Variants in CELF3 observed in about 807,000 individuals in gnomAD.
CELF3 encodes the protein CUGBP Elav-like family member 3.
A neutral mutation model predicts 59.6 loss-of-function variants in CELF3; 26 were observed. The observed-to-expected ratio is 0.44, with a 90% CI of 0.32 to 0.61. The LOEUF (loss-of-function observed/expected upper bound fraction) is 0.61. Ranked by LOEUF, CELF3 falls within the 20% of genes least tolerant of loss-of-function variation. CELF3 has a pLI of 0.06. For synonymous variants in CELF3, 245 were observed against 250.7 expected, an observed-to-expected ratio of 0.98 and a Z score of 0.22; for missense variants, 387 against 627.2, an observed-to-expected ratio of 0.62 and a Z score of 4.09.
In CELF3 at chr1:151,703,293, AG is replaced by A. The variant is rs898518120; in HGVS notation, c.*165del. The A allele has an allele frequency of 6.6e-6, 3 of 453,602 alleles. No individual in the cohort carries two copies. The highest frequency in any genetic ancestry group is 4.0e-5 in the African/African-American group (2 of 49,480). 28.1% of individuals were successfully genotyped at this position (453,602 alleles called of 1,614,324 possible). A position where few individuals can be genotyped will look rare whatever the true frequency, so the allele number is the denominator to read the frequency against. On this transcript the variant is annotated 3_prime_UTR_variant, in exon 13 of 13. Transcript: ENST00000290583. ...CATAGCCATGGCCCTTCAGAGAGGC[AG>A]GGGGGTGGGAGGGGCCGGTGTCTTG... is the stretch of plus-strand genomic sequence containing the variant.
rs776918644 is a variant in CELF3 at position 151,705,199 on chromosome 1, AG to A, written c.1271-32del. ...GTGAGAGGGGCATAAGGCCCGGCCC[AG>A]CCCCACCTCGCTCTTCCGTGCTTAG... On this transcript the variant is annotated intron_variant, in intron 11 of 12. Transcript: ENST00000290583. The surrounding 1 kb of genome is among the most constrained non-coding windows in gnomAD (Gnocchi z 5.1). 201 of 1,597,108 alleles carry A rather than the reference AG, an allele frequency of 1.3e-4. 4 individuals carry two copies. The South Asian group carries it at 2.1e-3, about 17-fold the overall frequency.
At position 151,705,886 on chromosome 1, in the gene CELF3, G is replaced by T; in HGVS notation, c.1206C>A (p.Pro402=). ...TDSEILQMFV[P]FGHVISAKVF... is the part of the protein sequence containing the mutation. ...CTTTGGCTGAGATGACGTGGCCAAAGGGGACAAACATCTGGAGGATCTCTG... is the reference window on the plus strand; with the variant it reads ...CTTTGGCTGAGATGACGTGGCCAAATGGGACAAACATCTGGAGGATCTCTG... Residue 402 remains proline (P), a synonymous_variant, in exon 11 of 13, where the codon CCC becomes CCA. Coordinates refer to ENST00000290583, the MANE Select transcript of CELF3 (RefSeq NM_007185.7). The surrounding 1 kb of genome is among the most constrained non-coding windows in gnomAD (Gnocchi z 5.1). The T allele has an allele frequency of 6.2e-7, 1 of 1,614,178 alleles. No individual in the cohort carries two copies. The highest frequency in any genetic ancestry group is 8.5e-7 in the Non-Finnish European group (1 of 1,179,992).
rs1158141639 is a variant in CELF3 at position 151,700,787 on chromosome 1, T to C, written c.*2672A>G. ...AAAGTACTAAAAACTCTTGAGGTTTTCTGTCTATGTGACTAGAAAATAGAA... is the reference window on the plus strand; with the variant it reads ...AAAGTACTAAAAACTCTTGAGGTTTCCTGTCTATGTGACTAGAAAATAGAA... On this transcript the variant is annotated 3_prime_UTR_variant, in exon 13 of 13. Coordinates refer to ENST00000290583, the MANE Select transcript of CELF3 (RefSeq NM_007185.7). Among the ~76,000 whole-genome samples the C allele has an allele frequency of 6.6e-6, 1 of 152,254 alleles. No individual in the cohort carries two copies. Among genetic ancestry groups the C allele is most frequent in the African/African-American group, 2.4e-5 (1 of 41,464 alleles).
intron 2 of CELF3, chr1:151,714,320 G>C (rs1275822838): frequency 1.7e-6 from 1 of 602,116 alleles, no homozygotes; most frequent in East Asian, 2.8e-5. Flanking sequence ...CCTCCCTCTA[G>C]TGTTGCCCCA....
chr1:151,714,176 G>A (rs1485729102), intron 2 of CELF3, among the ~76,000 whole-genome samples: 3 of 151,946 alleles, frequency 2.0e-5, no homozygotes, highest in East Asian at 3.9e-4. Context: ...CTGTTCTCTG[G>A]GCACTCCTCC....
chr1:151,707,148 G>T lies in CELF3; in HGVS notation c.919C>A (p.Pro307Thr). ...GTGGGCAGGCAGAGAGTCCCACCTG[G>T]GTAGGGGTGAACCCCGTTGGGATAC... Reference protein sequence around the residue: ...ALYPNGVHPYPAQSPAAPVDP... With the variant: ...ALYPNGVHPYTAQSPAAPVDP... The change falls in exon 8 of 13, where the codon CCA (proline) becomes ACA (threonine). Residue 307 changes from proline (P) to threonine (T), a missense_variant. Pro to Thr is a conservative substitution (Grantham distance 38). Around this residue, in one of 3 missense-constraint regions of CELF3, gnomAD observed 131 missense variants for 153.7 expected, o/e 0.85. Coordinates refer to ENST00000290583, the MANE Select transcript of CELF3 (RefSeq NM_007185.7). 1 of 1,499,880 alleles carries T rather than the reference G, an allele frequency of 6.7e-7. No individual in the cohort carries two copies. Among genetic ancestry groups the T allele is most frequent in the South Asian group, 1.4e-5 (1 of 73,438 alleles). 92.9% of individuals were successfully genotyped at this position (1,499,880 alleles called of 1,614,324 possible).
In CELF3 at chr1:151,709,606, A is replaced by G; in HGVS notation, c.277+137T>C. 5 of 1,017,780 alleles carry G rather than the reference A, an allele frequency of 4.9e-6. No homozygotes were observed. In the South Asian group the frequency reaches 5.3e-5, roughly 11 times the overall value. 63.0% of individuals were successfully genotyped at this position (1,017,780 alleles called of 1,614,324 possible). ...GATCTCACCCGCTCTGGCCACACTGACTCCTATCTCACCGCAGCTGGGAAC... is the reference window on the plus strand; with the variant it reads ...GATCTCACCCGCTCTGGCCACACTGGCTCCTATCTCACCGCAGCTGGGAAC... On this transcript the variant is annotated intron_variant, in intron 3 of 12. Coordinates refer to ENST00000290583, the MANE Select transcript of CELF3 (RefSeq NM_007185.7). The surrounding 1 kb of genome is among the most constrained non-coding windows in gnomAD (Gnocchi z 4.9).
At chr1:151,713,020 A>G (rs557611986) in intron 2 of CELF3, among the ~76,000 whole-genome samples, 3 of 152,262 alleles carry the variant, frequency 2.0e-5, no homozygotes, top group African/African-American at 7.2e-5. Flanking sequence ...AGGGTCACAG[A>G]CATCTGCTCC....
chr1:151,704,203 C>T (rs1300919545), intron 12 of CELF3, among the ~76,000 whole-genome samples: 1 of 151,878 alleles, frequency 6.6e-6, no homozygotes, highest in Admixed American at 6.6e-5. Flanking sequence ...TGGGGGGGCC[C>T]CCAGGGTTGG....
At chr1:151,707,738 G>A in intron 6 of CELF3, 54 bp downstream of exon 6, 1 of 1,604,040 alleles carries the variant, frequency 6.2e-7, no homozygotes, top group Non-Finnish European at 8.5e-7. Flanking sequence ...GGGAGGGTGG[G>A]GGCAAGATAC....
intron 7 of CELF3, 101 bp from the exon 8 acceptor site, chr1:151,707,395 T>C: frequency 1.3e-6 from 2 of 1,537,290 alleles, no homozygotes. Flanking sequence ...GAAGCAGGCC[T>C]CTCTGACCCC....
chr1:151,710,757 G>C (rs1558107250), intron 2 of CELF3: 1 of 456,448 alleles, frequency 2.2e-6, no homozygotes, highest in Non-Finnish European at 4.4e-6. Context: ...ATCTCCCTTT[G>C]TTCAGTCTTC....
At chr1:151,714,525 G>A (rs1673298204) in intron 2 of CELF3, 69 bp downstream of exon 2, 8 of 1,098,148 alleles carry the variant, frequency 7.3e-6, no homozygotes, top group Admixed American at 2.0e-5. Context: ...AGTGTCAGGA[G>A]GGTGGTGAGC....
At position 151,705,214 on chromosome 1, in the gene CELF3, T is replaced by C. The variant is rs1672412119; in HGVS notation, c.1271-46A>G. 2 of 1,581,412 alleles carry C rather than the reference T, an allele frequency of 1.3e-6. No homozygotes were observed. Among genetic ancestry groups the C allele is most frequent in the Non-Finnish European group, 1.7e-6 (2 of 1,159,792 alleles). On this transcript the variant is annotated intron_variant, in intron 11 of 12. Coordinates refer to ENST00000290583, the MANE Select transcript of CELF3 (RefSeq NM_007185.7). This position sits in a 1 kb window ranked among gnomAD's most constrained non-coding sequence, Gnocchi z 5.1. ...GGCCCGGCCCAGCCCCACCTCGCTC[T>C]TCCGTGCTTAGGAGACCTCTGGCAC...
At chr1:151,711,621 T>A (rs1047431241) in intron 2 of CELF3, among the ~76,000 whole-genome samples, 3 of 152,204 alleles carry the variant, frequency 2.0e-5, no homozygotes, top group Non-Finnish European at 4.4e-5. Flanking sequence ...AAGCAAAGCG[T>A]GTCGTGGGGG....
intron 5 of CELF3, chr1:151,708,448 AG>A (rs1220178771): frequency 1.1e-5 from 2 of 177,242 alleles, no homozygotes; most frequent in Admixed American, 5.4e-5. Context: ...GAAGGGGCAT[AG>A]GGTCATTGGA....
At position 151,709,656 on chromosome 1, in the gene CELF3, C is replaced by T. The variant is rs1672852672; in HGVS notation, c.277+87G>A. ...CTCTTCAGAATCATCAGGCTTTCTC[C>T]CTCAAGAAAGGCTACCCCTCGACAA... On this transcript the variant is annotated intron_variant, in intron 3 of 12. Transcript: ENST00000290583. This position sits in a 1 kb window ranked among gnomAD's most constrained non-coding sequence, Gnocchi z 4.9. 1.1e-5 allele frequency: 14 copies of T among 1,322,130 alleles called. No individual in the cohort carries two copies. The highest frequency in any genetic ancestry group is 1.5e-5 in the Non-Finnish European group (14 of 914,086). The allele number at this position is 1,322,130 out of a possible 1,614,324, so 81.9% of individuals were successfully genotyped here.
rs1158721662 is a variant in CELF3, at chr1:151,709,614, C to T, written c.277+129G>A. 1 of 1,073,134 alleles carries T rather than the reference C, an allele frequency of 9.3e-7. No individual in the cohort carries two copies. The highest frequency in any genetic ancestry group is 1.4e-6 in the Non-Finnish European group (1 of 700,788). The allele number at this position is 1,073,134 out of a possible 1,614,324, so 66.5% of individuals were successfully genotyped here. On this transcript the variant is annotated intron_variant, in intron 3 of 12. Transcript: ENST00000290583. This position sits in a 1 kb window ranked among gnomAD's most constrained non-coding sequence, Gnocchi z 4.9. ...CCGCTCTGGCCACACTGACTCCTAT[C>T]TCACCGCAGCTGGGAACTCTTCAGA...
At position 151,716,265 on chromosome 1, in the gene CELF3, C is replaced by A; in HGVS notation, c.-245G>T. The A allele has an allele frequency of 2.1e-6, 1 of 471,340 alleles. No individual in the cohort carries two copies. 29.2% of individuals were successfully genotyped at this position (471,340 alleles called of 1,614,324 possible). ...ATGCCACCAGGGGGCATCGCCTAAACAAACGATCTCCCTCCCAGAGATCTG... is the reference window on the plus strand; with the variant it reads ...ATGCCACCAGGGGGCATCGCCTAAAAAAACGATCTCCCTCCCAGAGATCTG... On this transcript the variant is annotated 5_prime_UTR_variant, in exon 1 of 13. Coordinates refer to ENST00000290583, the MANE Select transcript of CELF3 (RefSeq NM_007185.7).
Sources: allele counts gnomAD v4.1 joint callset (sites outside exome capture counted in the v4.1 genomes callset), GRCh38; gene constraint gnomAD v4.1.1; regional missense constraint gnomAD v4.1.1; non-coding constraint Gnocchi (gnomAD v3.1); transcripts MANE v1.5; gene names NCBI Gene and HGNC (gene_info 2026-07-23, HGNC 2026-07-21).